ANKRD44: variants seen among roughly 807,000 people sequenced by gnomAD.
ANKRD44 encodes serine/threonine-protein phosphatase 6 regulatory ankyrin repeat subunit B.
Under a neutral mutation model 116.0 loss-of-function variants are expected in ANKRD44, and 35 were observed. That is an observed-to-expected ratio of 0.30 (90% confidence interval 0.23 to 0.40). The LOEUF (loss-of-function observed/expected upper bound fraction) is 0.40, where lower values mean the gene tolerates loss of function less well. Among genes scored for constraint, ANKRD44 ranks in the 10% least tolerant of loss-of-function variants. ANKRD44 has a pLI of 1.00. For synonymous variants in ANKRD44, 435 were observed against 461.8 expected, an observed-to-expected ratio of 0.94 and a Z score of 0.74; for missense variants, 1,014 against 1,242.6, an observed-to-expected ratio of 0.82 and a Z score of 2.77.
intron 1 of ANKRD44, among the ~76,000 whole-genome samples, chr2:197,188,642 C>G (rs754706560): frequency 7.3e-4 from 111 of 152,302 alleles, no homozygotes; most frequent in Non-Finnish European, 5.3e-4. Context: ...AAAATGTCCT[C>G]TAACCAGACA....
intron 2 of ANKRD44, among the ~76,000 whole-genome samples, chr2:197,179,648 G>T (rs1360014092): frequency 6.6e-6 from 1 of 152,122 alleles, no homozygotes; most frequent in African/African-American, 2.4e-5. Flanking sequence ...AGTATGTGAG[G>T]GTACAAATCA....
At chr2:197,128,958 A>T (rs1388112274) in intron 4 of ANKRD44, among the ~76,000 whole-genome samples, 1 of 152,164 alleles carries the variant, frequency 6.6e-6, no homozygotes, top group African/African-American at 2.4e-5. Flanking sequence ...AAAATGAGAT[A>T]AAAACTATAA....
chr2:197,082,643 A>G (rs1475327148), intron 14 of ANKRD44, among the ~76,000 whole-genome samples: 1 of 152,242 alleles, frequency 6.6e-6, no homozygotes, highest in East Asian at 1.9e-4. Context: ...TTGCTCTACA[A>G]GAGAAGCAAT....
chr2:197,018,019 CTGT>C (rs2076424044), intron 17 of ANKRD44, among the ~76,000 whole-genome samples: 1 of 152,220 alleles, frequency 6.6e-6, no homozygotes, highest in Admixed American at 6.5e-5. Context: ...TCACAAAGTG[CTGT>C]ATCAATGCCA....
intron 2 of ANKRD44, among the ~76,000 whole-genome samples, chr2:197,161,215 G>A (rs570069405): frequency 1.1e-4 from 16 of 152,082 alleles, no homozygotes; most frequent in African/African-American, 2.9e-4. Context: ...AGATGGCTAC[G>A]TAACAGCACT....
intron 21 of ANKRD44, among the ~76,000 whole-genome samples, chr2:196,975,648 A>G (rs899494687): frequency 4.0e-5 from 6 of 150,826 alleles, no homozygotes; most frequent in Admixed American, 4.0e-4. Flanking sequence ...AAAATTAGCC[A>G]GGTGTGGTGG....
intron 1 of ANKRD44, among the ~76,000 whole-genome samples, chr2:197,249,395 A>G (rs568141002): frequency 9.2e-5 from 14 of 152,382 alleles, no homozygotes; most frequent in Non-Finnish European, 1.9e-4. Context: ...CGGTATTATT[A>G]AAGAGGAAGA....
At chr2:197,147,518 T>G (rs1397153923) in intron 2 of ANKRD44, among the ~76,000 whole-genome samples, 1 of 152,036 alleles carries the variant, frequency 6.6e-6, no homozygotes, top group Non-Finnish European at 1.5e-5. Context: ...CATAGTGGAA[T>G]GGTTCACAAG....
At chr2:197,060,478 C>A (rs552646582) in intron 16 of ANKRD44, among the ~76,000 whole-genome samples, 41 of 152,242 alleles carry the variant, frequency 2.7e-4, no homozygotes, top group African/African-American at 9.4e-4. Flanking sequence ...GAAATGATTA[C>A]CACAAACAAA....
Position 197,029,311 on chromosome 2 carries a change from A to G in ANKRD44, c.1651-4044T>C, listed in dbSNP as rs528071744. The stretch of plus-strand genomic sequence containing the variant: ...TGGTGTCCTGACACATGGTGTTTGC[A>G]TATGGGTTTAGCTTCAACATGAGTT... On this transcript the variant is annotated intron_variant, in intron 16 of 27. Coordinates refer to ENST00000282272, the MANE Select transcript of ANKRD44 (RefSeq NM_001195144.2). The G allele has an allele frequency of 2.0e-5, 5 of 245,832 alleles. No homozygotes were observed. In the East Asian group the frequency reaches 6.8e-4, roughly 33 times the overall value. 15.2% of individuals were successfully genotyped at this position (245,832 alleles called of 1,614,324 possible). A position where few individuals can be genotyped will look rare whatever the true frequency, so the allele number is the denominator to read the frequency against.
chr2:197,272,538 T>C lies in ANKRD44; in HGVS notation c.27+38040A>G, dbSNP rs2082929911. Among the ~76,000 whole-genome samples the C allele has an allele frequency of 2.6e-5, 4 of 152,326 alleles. No homozygotes were observed. In the South Asian group the frequency reaches 8.3e-4, roughly 32 times the overall value. ...GGCGTGAGCCAATGCGCCTGGCCAATTTCTATCGTTTATAAGCCACCCAGT... is the reference window on the plus strand; with the variant it reads ...GGCGTGAGCCAATGCGCCTGGCCAACTTCTATCGTTTATAAGCCACCCAGT... On this transcript the variant is annotated intron_variant, in intron 1 of 27. Coordinates refer to ENST00000282272, the MANE Select transcript of ANKRD44 (RefSeq NM_001195144.2).
chr2:197,074,704 C>T (rs1175943584), intron 16 of ANKRD44, among the ~76,000 whole-genome samples: 1 of 152,106 alleles, frequency 6.6e-6, no homozygotes, highest in Non-Finnish European at 1.5e-5. Flanking sequence ...GTCTTGAATT[C>T]CTGGACTCAA....
intron 1 of ANKRD44, among the ~76,000 whole-genome samples, chr2:197,209,605 C>T (rs78263415): frequency 0.019 from 2,952 of 152,282 alleles, 108 homozygotes; most frequent in African/African-American, 0.066. Context: ...GCCCATTTGC[C>T]GTTCCAGTTT....
At chr2:197,021,349 A>G (rs2076495198) in intron 17 of ANKRD44, among the ~76,000 whole-genome samples, 1 of 152,198 alleles carries the variant, frequency 6.6e-6, no homozygotes, top group Non-Finnish European at 1.5e-5. Context: ...TGGTATTTCT[A>G]GTTCTAGATC....
intron 15 of ANKRD44, among the ~76,000 whole-genome samples, chr2:197,079,939 C>T (rs2077756158): frequency 6.6e-6 from 1 of 152,034 alleles, no homozygotes; most frequent in South Asian, 2.1e-4. Flanking sequence ...AACCAAATAC[C>T]CACATGTCAA....
At chr2:197,300,045 T>TA (rs2083852241) in intron 1 of ANKRD44, among the ~76,000 whole-genome samples, 1 of 152,220 alleles carries the variant, frequency 6.6e-6, no homozygotes, top group Non-Finnish European at 1.5e-5. Flanking sequence ...CACCTTACTT[T>TA]AATGCTTCAA....
chr2:197,263,629 A>C, intron 1 of ANKRD44: 1 of 191,784 alleles, frequency 5.2e-6, no homozygotes, highest in Non-Finnish European at 1.1e-5. Context: ...CCTGGGGAAC[A>C]TGGTTGGCTC....
chr2:196,967,673 T>A (rs2075683846), intron 21 of ANKRD44, among the ~76,000 whole-genome samples: 1 of 152,302 alleles, frequency 6.6e-6, no homozygotes, highest in Non-Finnish European at 1.5e-5. Flanking sequence ...CAATAAACAA[T>A]GTAGGACTCA....
chr2:197,089,008 G>A, intron 11 of ANKRD44: 1 of 394,154 alleles, frequency 2.5e-6, no homozygotes, highest in Non-Finnish European at 4.5e-6. Flanking sequence ...TTCAGCCCTG[G>A]GTGAACCACA....
Sources: allele counts gnomAD v4.1 joint callset (sites outside exome capture counted in the v4.1 genomes callset), GRCh38; gene constraint gnomAD v4.1.1; transcripts MANE v1.5; gene names NCBI Gene and HGNC (gene_info 2026-07-23, HGNC 2026-07-21).